Variants in LIMK1 observed in about 807,000 individuals in gnomAD.
The protein encoded by LIMK1 is LIM motif-containing protein kinase.
A neutral mutation model predicts 77.6 loss-of-function variants in LIMK1; 21 were observed. That is an observed-to-expected ratio of 0.27 (90% confidence interval 0.19 to 0.39). The LOEUF (loss-of-function observed/expected upper bound fraction) is 0.39. Among genes scored for constraint, LIMK1 ranks in the 10% least tolerant of loss-of-function variants. The probability of loss-of-function intolerance (pLI) is 1.00; values close to 1 mark genes in which losing one functional copy is unlikely to be tolerated. For synonymous variants in LIMK1, 358 were observed against 370.0 expected, an observed-to-expected ratio of 0.97 and a Z score of 0.37; for missense variants, 696 against 901.6, an observed-to-expected ratio of 0.77 and a Z score of 2.92.
intron 12 of LIMK1, among the ~76,000 whole-genome samples, chr7:74,113,702 T>A (rs149721060): frequency 1.8e-4 from 27 of 152,026 alleles, no homozygotes; most frequent in Non-Finnish European, 2.9e-4. Flanking sequence ...CCCACTCTTG[T>A]GATAACTAAC....
intron 1 of LIMK1, among the ~76,000 whole-genome samples, chr7:74,084,267 A>G (rs1217699465): frequency 6.8e-6 from 1 of 147,166 alleles, no homozygotes; most frequent in African/African-American, 2.5e-5. Flanking sequence ...GGGCCCCTGG[A>G]CCCTTTTTCC....
chr7:74,120,550 G>A (rs1799911263), intron 13 of LIMK1, 33 bp from the exon 14 acceptor site: 1 of 1,612,826 alleles, frequency 6.2e-7, no homozygotes, highest in Non-Finnish European at 8.5e-7. Flanking sequence ...ACCCCCATGT[G>A]TTCATCTGCT....
intron 10 of LIMK1, 93 bp from the exon 11 acceptor site, chr7:74,111,555 G>A (rs111911592): frequency 8.0e-5 from 83 of 1,038,200 alleles, no homozygotes; most frequent in African/African-American, 7.6e-4. Context: ...GACCCTCTAG[G>A]ACGCTTGCCT....
rs138013851 is a variant in LIMK1, at chr7:74,095,611, G to A, written c.153-1011G>A. Among the ~76,000 whole-genome samples, 13 of 152,160 alleles carry A rather than the reference G, an allele frequency of 8.5e-5. No homozygotes were observed. The East Asian group carries it at 2.3e-3, about 27-fold the overall frequency. On this transcript the variant is annotated intron_variant, in intron 2 of 15. Transcript: ENST00000336180. ...TTAAGAGATGGGGTCTTACTGTGTTGCCCAGGCTGGCCTCAAACCTCTGGC... is the reference window on the plus strand; with the variant it reads ...TTAAGAGATGGGGTCTTACTGTGTTACCCAGGCTGGCCTCAAACCTCTGGC...
At chr7:74,117,243 C>A (rs927627754) in intron 13 of LIMK1, among the ~76,000 whole-genome samples, 2 of 152,078 alleles carry the variant, frequency 1.3e-5, no homozygotes, top group African/African-American at 4.8e-5. Flanking sequence ...GTCTCAAACT[C>A]CTGGCTTCAG....
intron 2 of LIMK1, among the ~76,000 whole-genome samples, chr7:74,095,240 C>T (rs1287009637): frequency 2.6e-5 from 4 of 152,124 alleles, no homozygotes; most frequent in Non-Finnish European, 5.9e-5. Context: ...GAGCCTGGTT[C>T]TTCTGTCCCT....
chr7:74,090,184 G>A (rs1057379211), intron 2 of LIMK1, among the ~76,000 whole-genome samples: 5 of 152,104 alleles, frequency 3.3e-5, no homozygotes, highest in Non-Finnish European at 1.5e-5. Flanking sequence ...AGACCAGTCT[G>A]GCCAACATGG....
chr7:74,093,178 A>T, intron 2 of LIMK1: 1 of 1,524,128 alleles, frequency 6.6e-7, no homozygotes, highest in South Asian at 1.2e-5. Flanking sequence ...CTGAGGGAGG[A>T]TGGGGAAGCA....
chr7:74,101,966 G>A (rs550604461), intron 5 of LIMK1, among the ~76,000 whole-genome samples: 5 of 152,006 alleles, frequency 3.3e-5, no homozygotes, highest in Non-Finnish European at 7.4e-5. Context: ...TGAGACTACA[G>A]GCACACACCA....
intron 12 of LIMK1, among the ~76,000 whole-genome samples, chr7:74,113,707 A>T (rs1444453350): frequency 6.6e-6 from 1 of 152,066 alleles, no homozygotes; most frequent in Non-Finnish European, 1.5e-5. Context: ...TCTTGTGATA[A>T]CTAACCTGGT....
At chr7:74,110,999 G>A (rs1554698539) in intron 10 of LIMK1, 2 of 151,782 alleles carry the variant, frequency 1.3e-5, no homozygotes, top group African/African-American at 4.8e-5. Context: ...ACTTTGGGAG[G>A]CTGAGGCAGG....
Position 74,107,953 on chromosome 7 carries a change from A to G in LIMK1, c.1148A>G (p.Lys383Arg). The G allele has an allele frequency of 6.4e-7, 1 of 1,562,200 alleles. No individual in the cohort carries two copies. Among genetic ancestry groups the G allele is most frequent in the Non-Finnish European group, 8.7e-7 (1 of 1,152,474 alleles). Reference protein sequence around the residue: ...FDEETQRTFLKEVKVMRCLEH... With the variant: ...FDEETQRTFLREVKVMRCLEH... ...GAGGAGACCCAGAGGACGTTCCTCAAGGAGGTCAGTGAGCGGAATGCCCTC... is the reference window on the plus strand; with the variant it reads ...GAGGAGACCCAGAGGACGTTCCTCAGGGAGGTCAGTGAGCGGAATGCCCTC... The change falls in exon 9 of 16, where the codon AAG (lysine) becomes AGG (arginine). Residue 383 changes from lysine to arginine, a missense_variant. Lys to Arg is a conservative substitution (Grantham distance 26, BLOSUM62 2). Coordinates refer to ENST00000336180, the MANE Select transcript of LIMK1 (RefSeq NM_002314.4).
Position 74,099,018 on chromosome 7 carries a change from G to A in LIMK1, c.402-14G>A, listed in dbSNP as rs1554696084. On this transcript the variant is annotated splice_polypyrimidine_tract_variant and intron_variant, in intron 4 of 15. Coordinates refer to ENST00000336180, the MANE Select transcript of LIMK1 (RefSeq NM_002314.4). ...CTTGACACTCTTTTCTTCCCACCCC[G>A]GCGGCTCTTGCAGCGGGCACTGCTA... 3.1e-6 allele frequency: 5 copies of A among 1,597,818 alleles called. No homozygotes were observed. The highest frequency in any genetic ancestry group is 1.7e-4 in the Middle Eastern group (1 of 6,042).
chr7:74,089,794 G>A (rs62476410), intron 2 of LIMK1, among the ~76,000 whole-genome samples: 4,059 of 152,178 alleles, frequency 0.027, 71 homozygotes, highest in Middle Eastern at 0.044. Flanking sequence ...CGGCCGCCTC[G>A]GAGCTGGCCC....
At position 74,085,753 on chromosome 7, in the gene LIMK1, G is replaced by T. The variant is rs146926126; in HGVS notation, c.61G>T (p.Glu21Ter). 5.1e-6 allele frequency: 8 copies of T among 1,556,342 alleles called. No homozygotes were observed. Among genetic ancestry groups the T allele is most frequent in the African/African-American group, 2.7e-5 (2 of 73,438 alleles). The change falls in exon 2 of 16, where the codon GAG (glutamate) becomes TAG (stop). Residue 21 changes from glutamate (E) to a stop codon, truncating the protein, a stop_gained. Coordinates refer to ENST00000336180, the MANE Select transcript of LIMK1 (RefSeq NM_002314.4). LOFTEE classifies it high-confidence loss of function. ...ACTCCCTTCCCACCCTGCAGGAAGCGAGTTGCCCGTGTGTGCAAGCTGCGG... is the reference window on the plus strand; with the variant it reads ...ACTCCCTTCCCACCCTGCAGGAAGCTAGTTGCCCGTGTGTGCAAGCTGCGG... ...REERMGEEGS[E>*]LPVCASCGQR...
Position 74,096,712 on chromosome 7 carries a change from C to G in LIMK1, c.243C>G (p.Gly81=), listed in dbSNP as rs1554695665. 31 of 1,613,402 alleles carry G rather than the reference C, an allele frequency of 1.9e-5. No individual in the cohort carries two copies. Among genetic ancestry groups the G allele is most frequent in the Non-Finnish European group, 2.6e-5 (31 of 1,179,730 alleles). Residue 81 remains glycine, a synonymous_variant, in exon 3 of 16, where the codon GGC becomes GGG. Coordinates refer to ENST00000336180, the MANE Select transcript of LIMK1 (RefSeq NM_002314.4). ...FCKKDYWARY[G]ESCHGCSEQI... is the part of the protein sequence containing the mutation. ...AGAAGGACTACTGGGCCCGCTATGG[C>G]GAGTCCTGCCATGGGTGCTCTGAGC...
intron 2 of LIMK1, among the ~76,000 whole-genome samples, chr7:74,088,524 G>A (rs1473998670): frequency 1.3e-5 from 2 of 152,130 alleles, no homozygotes; most frequent in Non-Finnish European, 2.9e-5. Context: ...AGTCAGGATG[G>A]GGGTGGTGGC....
chr7:74,117,664 A>G (rs1419181792), intron 13 of LIMK1, among the ~76,000 whole-genome samples: 1 of 152,134 alleles, frequency 6.6e-6, no homozygotes, highest in Admixed American at 6.6e-5. Flanking sequence ...TTAGCCTGGC[A>G]TGTGGCGTGG....
chr7:74,105,870 C>T lies in LIMK1; in HGVS notation c.609-5C>T. ...GCACTGGCCTGACCCCTGCCTTACC[C>T]ACAGAGTGGATCCGGGCTGCATGAG... On this transcript the variant is annotated splice_polypyrimidine_tract_variant and splice_region_variant and intron_variant, in intron 5 of 15. Transcript: ENST00000336180. The T allele has an allele frequency of 6.2e-7, 1 of 1,612,358 alleles. No individual in the cohort carries two copies. Among genetic ancestry groups the T allele is most frequent in the South Asian group, 1.1e-5 (1 of 90,960 alleles).
Sources: gnomAD v4.1 joint callset for allele counts (sites outside exome capture counted in the v4.1 genomes callset) on GRCh38, gnomAD v4.1.1 for gene constraint, MANE v1.5 for transcripts, NCBI Gene and HGNC (gene_info 2026-07-23, HGNC 2026-07-21) for gene names.